PRH1: variants seen among roughly 807,000 people sequenced by gnomAD.
PRH1 encodes the protein proline rich protein HaeIII subfamily 1, also known as salivary acidic proline-rich phosphoprotein 1/2.
PRH1 carries 7 observed loss-of-function variants against 7.9 expected under a neutral mutation model. The ratio of observed to expected loss-of-function variants is 0.89; its 90% CI spans 0.50 to 1.67. The LOEUF (loss-of-function observed/expected upper bound fraction) is 1.67. Among genes scored for constraint, PRH1 ranks in the 40% most tolerant of loss-of-function variants. The pLI is 0.00. For synonymous variants in PRH1, 45 were observed against 80.8 expected, an observed-to-expected ratio of 0.56 and a Z score of 2.38; for missense variants, 109 against 223.6, an observed-to-expected ratio of 0.49 and a Z score of 3.27.
intron 2 of PRH1, chr12:10,896,974 C>T (rs1216496175): frequency 1.3e-5 from 2 of 152,100 alleles, no homozygotes; most frequent in Non-Finnish European, 2.9e-5. Flanking sequence ...GCAATATTTA[C>T]TCTTGGAGTC....
chr12:10,948,973 T>C (rs368343462), intron 2 of PRH1, among the ~76,000 whole-genome samples: 6 of 152,306 alleles, frequency 3.9e-5, no homozygotes, highest in African/African-American at 1.4e-4. Context: ...CTCAATTATA[T>C]GTTTCCCCTA....
At chr12:10,903,954 A>AAAAC (rs754090166) in intron 2 of PRH1, among the ~76,000 whole-genome samples, 1 of 145,736 alleles carries the variant, frequency 6.9e-6, no homozygotes. Flanking sequence ...AAAAAAAAAA[A>AAAAC]CAACTAGGAC....
At chr12:11,119,173 C>T (rs968215384), downstream of PRH1, among the ~76,000 whole-genome samples, 1 of 151,994 alleles carries the variant, frequency 6.6e-6, no homozygotes, top group African/African-American at 2.4e-5. Context: ...TGCAGAAAGG[C>T]AAGCATTGCA....
intron 1 of PRH1, among the ~76,000 whole-genome samples, chr12:11,109,650 G>C (rs1215560449): frequency 6.6e-6 from 1 of 151,992 alleles, no homozygotes; most frequent in African/African-American, 2.4e-5. Context: ...TGTACACACA[G>C]AGACCCCATC....
intron 1 of PRH1, among the ~76,000 whole-genome samples, chr12:11,045,855 G>C (rs958501221): frequency 1.3e-5 from 2 of 151,404 alleles, no homozygotes; most frequent in Non-Finnish European, 2.9e-5. Context: ...AGTTAAGTTG[G>C]AATACTGAAA....
intron 2 of PRH1, among the ~76,000 whole-genome samples, chr12:10,902,687 C>G (rs182745947): frequency 6.6e-6 from 1 of 152,144 alleles, no homozygotes; most frequent in Non-Finnish European, 1.5e-5. Context: ...AGAAACCTTA[C>G]AAGCCAGGAG....
At chr12:11,015,399 T>A (rs1194276272) in intron 1 of PRH1, among the ~76,000 whole-genome samples, 18 of 151,984 alleles carry the variant, frequency 1.2e-4, no homozygotes. Flanking sequence ...TCTTTCCTGC[T>A]CTAAATCTTT....
intron 1 of PRH1, among the ~76,000 whole-genome samples, chr12:11,102,790 A>T (rs913678207): frequency 2.0e-5 from 3 of 152,228 alleles, no homozygotes; most frequent in African/African-American, 7.2e-5. Flanking sequence ...CAATCTACCC[A>T]TCTGACAAAG....
chr12:10,964,665 T>C (rs370041424), intron 2 of PRH1: 19 of 586,548 alleles, frequency 3.2e-5, no homozygotes, highest in South Asian at 2.7e-4. Flanking sequence ...GAGGTCACCG[T>C]TTGCAAAGCT....
chr12:11,049,265 A>C, upstream of PRH1: 1 of 745,812 alleles, frequency 1.3e-6, no homozygotes, highest in Non-Finnish European at 1.7e-6. Flanking sequence ...ATGTTTGAAC[A>C]AATGAAAAGA....
intron 1 of PRH1, among the ~76,000 whole-genome samples, chr12:11,140,454 T>A (rs139963302): frequency 6.6e-6 from 1 of 152,312 alleles, no homozygotes; most frequent in East Asian, 1.9e-4. Flanking sequence ...GGTCCTGACC[T>A]TAACTTCTAT....
chr12:11,109,946 T>C (rs1308075147), intron 1 of PRH1, among the ~76,000 whole-genome samples: 1 of 152,114 alleles, frequency 6.6e-6, no homozygotes, highest in Non-Finnish European at 1.5e-5. Flanking sequence ...AATTGCTACC[T>C]GGAATAACCA....
At chr12:11,006,735 T>C (rs766555008) in intron 1 of PRH1, among the ~76,000 whole-genome samples, 11 of 152,166 alleles carry the variant, frequency 7.2e-5, no homozygotes, top group Non-Finnish European at 1.2e-4. Flanking sequence ...CATTCCTAAA[T>C]GTGTAATAAT....
intron 1 of PRH1, among the ~76,000 whole-genome samples, chr12:10,978,117 A>G (rs546257980): frequency 6.6e-6 from 1 of 152,070 alleles, no homozygotes; most frequent in East Asian, 1.9e-4. Flanking sequence ...AGCCATGGCA[A>G]TCCCAAGGAA....
intron 2 of PRH1, among the ~76,000 whole-genome samples, chr12:10,916,057 T>C (rs535411521): frequency 6.6e-6 from 1 of 152,176 alleles, no homozygotes; most frequent in Non-Finnish European, 1.5e-5. Context: ...CTCACAGTTC[T>C]ACATGGCTGA....
chr12:11,006,125 T>C (rs1236983012), intron 1 of PRH1: 1 of 152,056 alleles, frequency 6.6e-6, no homozygotes, highest in Non-Finnish European at 1.5e-5. Flanking sequence ...TTCTGCTTCA[T>C]ATACCGACGA....
At chr12:10,993,627 G>T (rs191462302) in intron 1 of PRH1, among the ~76,000 whole-genome samples, 6 of 152,094 alleles carry the variant, frequency 3.9e-5, no homozygotes, top group Admixed American at 3.3e-4. Flanking sequence ...ATATTTGTTG[G>T]GCCTACTGGG....
upstream of PRH1, among the ~76,000 whole-genome samples, chr12:11,047,790 T>C (rs1942964273): frequency 6.6e-6 from 1 of 152,148 alleles, no homozygotes; most frequent in East Asian, 1.9e-4. Context: ...ACCATTCTAT[T>C]TGCTTTATAA....
chr12:11,162,654 T>A (rs1483337795), intron 1 of PRH1, among the ~76,000 whole-genome samples: 1 of 152,186 alleles, frequency 6.6e-6, no homozygotes, highest in Non-Finnish European at 1.5e-5. Flanking sequence ...CTTGTTCTCC[T>A]CTTCCTGAGC....
Sources: allele counts gnomAD v4.1 joint callset (sites outside exome capture counted in the v4.1 genomes callset), GRCh38; gene constraint gnomAD v4.1.1; transcripts MANE v1.5; gene names NCBI Gene and HGNC (gene_info 2026-07-23, HGNC 2026-07-21).